The following TBCK variants were observed in gnomAD, a reference collection of about 807,000 sequenced individuals.
TBCK encodes TBC1 domain containing kinase, also known as TBC domain-containing protein kinase-like protein.
TBCK carries 99 observed loss-of-function variants against 113.4 expected under a neutral mutation model. That is an observed-to-expected ratio of 0.87 (90% CI 0.74 to 1.03). TBCK has a LOEUF of 1.03. Ranked by LOEUF, TBCK falls within the 50% of genes least tolerant of loss-of-function variation. The pLI is 0.00. For missense variants in TBCK, 1,045 were observed against 1,061.3 expected, an observed-to-expected ratio of 0.98 and a Z score of 0.21; for synonymous variants, 369 against 370.8, an observed-to-expected ratio of 1.00 and a Z score of 0.05.
intron 2 of TBCK, among the ~76,000 whole-genome samples, chr4:106,304,809 T>G (rs570750177): frequency 1.3e-5 from 2 of 152,276 alleles, no homozygotes; most frequent in South Asian, 4.1e-4. Flanking sequence ...TAAATTCCAT[T>G]TGGAAATTAT....
chr4:106,183,035 A>C (rs937508269), intron 22 of TBCK, among the ~76,000 whole-genome samples: 2 of 152,118 alleles, frequency 1.3e-5, no homozygotes. Context: ...TACTTAAGAG[A>C]GAATTCTAAA....
At chr4:106,301,171 T>A (rs1276721212) in intron 2 of TBCK, among the ~76,000 whole-genome samples, 2 of 147,040 alleles carry the variant, frequency 1.4e-5, no homozygotes, top group Admixed American at 1.3e-4. Flanking sequence ...ATAACTTATA[T>A]AATTATATAT....
chr4:106,087,876 T>C (rs1403945508), intron 25 of TBCK, among the ~76,000 whole-genome samples: 1 of 152,252 alleles, frequency 6.6e-6, no homozygotes, highest in African/African-American at 2.4e-5. Context: ...TAAATGGTGC[T>C]GGGAAGACTG....
intron 25 of TBCK, among the ~76,000 whole-genome samples, chr4:106,077,896 GC>G (rs1738398630): frequency 6.6e-6 from 1 of 152,092 alleles, no homozygotes; most frequent in Admixed American, 6.6e-5. Flanking sequence ...TCAATGACAT[GC>G]TAAACCATAA....
chr4:106,224,730 C>A (rs1410277488), intron 19 of TBCK, among the ~76,000 whole-genome samples: 1 of 152,144 alleles, frequency 6.6e-6, no homozygotes, highest in Non-Finnish European at 1.5e-5. Flanking sequence ...CCCGACAGAT[C>A]AGATTTGATT....
At chr4:106,115,674 T>C (rs73836991) in intron 24 of TBCK, among the ~76,000 whole-genome samples, 2,075 of 152,244 alleles carry the variant, frequency 0.014, 53 homozygotes, top group African/African-American at 0.047. Flanking sequence ...ATTTTGTAAC[T>C]CTTCATACTC....
At chr4:106,300,559 A>G (rs1046952938) in intron 2 of TBCK, among the ~76,000 whole-genome samples, 2 of 152,220 alleles carry the variant, frequency 1.3e-5, no homozygotes, top group Non-Finnish European at 2.9e-5. Context: ...AAGTGTTTAT[A>G]CAGTTCAAAA....
Position 106,278,558 on chromosome 4 carries a change from CAAAAAAAAAAAAAA to C in TBCK, c.267-16360_267-16347del, listed in dbSNP as rs376599844. ...TGGGCAACAGAGTGAAACTCTGTCT[CAAAAAAAAAAAAAA>C]AAAAAAAAAAAAGAGTTCATGAAAT... On this transcript the variant is annotated intron_variant, in intron 3 of 25. Transcript: ENST00000394708. Among the ~76,000 whole-genome samples, 11 of 22,136 alleles carry C rather than the reference CAAAAAAAAAAAAAA, an allele frequency of 5.0e-4. No homozygotes were observed. The Admixed American group carries it at 6.3e-3, about 13-fold the overall frequency. The allele number at this position is 22,136 out of a possible 152,430, so 14.5% of individuals were successfully genotyped here.
Position 106,284,576 on chromosome 4 carries a change from T to C in TBCK, c.266+10518A>G, listed in dbSNP as rs897202820. 1.7e-4 allele frequency among the ~76,000 whole-genome samples: 26 copies of C among 152,238 alleles called. 1 individual carries two copies. The highest frequency in any genetic ancestry group is 1.6e-3 in the Admixed American group (24 of 15,278). ...GACAAACTACATTTTGTTAAAGGAA[T>C]ATGGCTCTACTGCCCACCCTGCATT... On this transcript the variant is annotated intron_variant, in intron 3 of 25. Coordinates refer to ENST00000394708, the MANE Select transcript of TBCK (RefSeq NM_001163435.3).
chr4:106,222,298 T>C (rs1757792731), intron 19 of TBCK, among the ~76,000 whole-genome samples: 2 of 152,110 alleles, frequency 1.3e-5, no homozygotes, highest in African/African-American at 4.8e-5. Context: ...TTTGTTTCTC[T>C]CCTTTAAAAT....
At chr4:106,071,769 A>G (rs550013996) in intron 25 of TBCK, among the ~76,000 whole-genome samples, 54 of 152,100 alleles carry the variant, frequency 3.6e-4, no homozygotes, top group Non-Finnish European at 6.2e-4. Context: ...TGCTTTATGA[A>G]TCTGGGTGCT....
At chr4:106,220,438 A>T (rs541523877) in intron 19 of TBCK, among the ~76,000 whole-genome samples, 4 of 152,162 alleles carry the variant, frequency 2.6e-5, no homozygotes, top group Middle Eastern at 3.4e-3. Context: ...GCATGTCTTT[A>T]TCAGCAGCAT....
chr4:106,076,152 C>G (rs1578823565), intron 25 of TBCK, among the ~76,000 whole-genome samples: 1 of 152,280 alleles, frequency 6.6e-6, no homozygotes, highest in South Asian at 2.1e-4. Flanking sequence ...GCAGTGGCAG[C>G]TCAGGTGCTG....
chr4:106,083,305 C>T (rs62320129), intron 25 of TBCK, among the ~76,000 whole-genome samples: 11,668 of 152,280 alleles, frequency 0.077, 515 homozygotes, highest in Middle Eastern at 0.18. Context: ...CCCAAAACAC[C>T]GGCTGTGGCA....
chr4:106,191,647 AT>A (rs1753678973), intron 22 of TBCK, among the ~76,000 whole-genome samples: 1 of 152,142 alleles, frequency 6.6e-6, no homozygotes, highest in South Asian at 2.1e-4. Context: ...CTGGGACTGA[AT>A]TTAAGAGTTA....
intron 20 of TBCK, among the ~76,000 whole-genome samples, chr4:106,202,676 T>G (rs1755023456): frequency 6.6e-6 from 1 of 152,004 alleles, no homozygotes; most frequent in African/African-American, 2.4e-5. Flanking sequence ...AATGGTAAAA[T>G]TAGTCACACA....
chr4:106,117,467 T>C (rs1006857930), intron 23 of TBCK, among the ~76,000 whole-genome samples: 1 of 152,166 alleles, frequency 6.6e-6, no homozygotes, highest in Admixed American at 6.5e-5. Flanking sequence ...AAACTAACAA[T>C]GTGTCTTAAC....
intron 25 of TBCK, among the ~76,000 whole-genome samples, chr4:106,092,381 T>C (rs1159174196): frequency 6.6e-6 from 1 of 152,240 alleles, no homozygotes; most frequent in Non-Finnish European, 1.5e-5. Flanking sequence ...TGCCTGCCAG[T>C]CCCACACCGT....
intron 15 of TBCK, among the ~76,000 whole-genome samples, chr4:106,234,459 TTA>T (rs1759228377): frequency 6.6e-6 from 1 of 152,048 alleles, no homozygotes; most frequent in Non-Finnish European, 1.5e-5. Flanking sequence ...TAAAAATTTT[TTA>T]GAGTCAGGGT....
Sources: gnomAD v4.1 joint callset for allele counts (sites outside exome capture counted in the v4.1 genomes callset) on GRCh38, gnomAD v4.1.1 for gene constraint, MANE v1.5 for transcripts, NCBI Gene and HGNC (gene_info 2026-07-23, HGNC 2026-07-21) for gene names.